The following ANK3 variants were observed in gnomAD, a reference collection of about 807,000 sequenced individuals.
ANK3 encodes the protein ankyrin-3.
In ANK3, 57 loss-of-function variants were observed where a neutral mutation model predicts 370.9. The observed-to-expected ratio is 0.15, with a 90% CI of 0.12 to 0.19. ANK3 has a LOEUF of 0.19. Ranked by LOEUF, ANK3 falls within the 10% of genes least tolerant of loss-of-function variation. The probability of loss-of-function intolerance (pLI) is 1.00; values close to 1 mark genes in which losing one functional copy is unlikely to be tolerated. For missense variants in ANK3, 4,439 were observed against 5,302.1 expected, an observed-to-expected ratio of 0.84 and a Z score of 5.06; for synonymous variants, 1,929 against 1,946.3, an observed-to-expected ratio of 0.99 and a Z score of 0.23.
chr10:60,670,815 A>T (rs2079056162), intron 1 of ANK3, among the ~76,000 whole-genome samples: 1 of 152,150 alleles, frequency 6.6e-6, no homozygotes. Flanking sequence ...AATTGACTCC[A>T]AGTGGGAGTG....
intron 1 of ANK3, among the ~76,000 whole-genome samples, chr10:60,385,476 G>A (rs2062126725): frequency 1.3e-5 from 2 of 151,984 alleles, no homozygotes; most frequent in Non-Finnish European, 2.9e-5. Context: ...TGTTACTGTA[G>A]TGTTGCCACT....
chr10:60,135,158 T>G (rs73261169), intron 24 of ANK3, among the ~76,000 whole-genome samples: 25,983 of 152,150 alleles, frequency 0.17, 2,289 homozygotes, highest in African/African-American at 0.2. Flanking sequence ...TTCTGCCATG[T>G]CACTCTCGTG....
chr10:60,427,676 A>G (rs1408580233), intron 2 of ANK3, among the ~76,000 whole-genome samples: 1 of 152,162 alleles, frequency 6.6e-6, no homozygotes, highest in Non-Finnish European at 1.5e-5. Context: ...TGTGATTTAA[A>G]AAAATTAGAG....
chr10:60,611,254 C>G (rs943320438), intron 2 of ANK3, among the ~76,000 whole-genome samples: 2 of 152,126 alleles, frequency 1.3e-5, no homozygotes, highest in African/African-American at 4.8e-5. Context: ...GTCTTTTCCT[C>G]CTACAGAGCA....
intron 1 of ANK3, among the ~76,000 whole-genome samples, chr10:60,626,391 C>A (rs2078410899): frequency 6.6e-6 from 1 of 151,974 alleles, no homozygotes; most frequent in South Asian, 2.1e-4. Context: ...TAGTAAAGAG[C>A]ATAAATAATA....
chr10:60,167,129 T>C (rs1179827528), intron 21 of ANK3, among the ~76,000 whole-genome samples: 1 of 152,176 alleles, frequency 6.6e-6, no homozygotes. Context: ...GTACCACAGC[T>C]TAAAAGATTT....
At chr10:60,645,423 A>C (rs1254522146) in intron 1 of ANK3, among the ~76,000 whole-genome samples, 1 of 152,138 alleles carries the variant, frequency 6.6e-6, no homozygotes, top group African/African-American at 2.4e-5. Context: ...TGAAAAGCTA[A>C]GCTTTAGAAA....
intron 2 of ANK3, among the ~76,000 whole-genome samples, chr10:60,538,720 T>C (rs2076779483): frequency 1.3e-5 from 2 of 151,878 alleles, no homozygotes; most frequent in Admixed American, 6.6e-5. Flanking sequence ...ATTTAAAACT[T>C]CTAAAGGCAG....
rs566513670 is a variant in ANK3 at position 60,228,130 on chromosome 10, G to A, written c.897+6558C>T. On this transcript the variant is annotated intron_variant, in intron 8 of 43. Transcript: ENST00000280772. ...AGGATATGTGACCTCTGCATATTAC[G>A]CCATCATAGTTTGTATTTCTTTCTA... Among the ~76,000 whole-genome samples the A allele has an allele frequency of 7.2e-5, 11 of 152,004 alleles. 1 individual carries two copies. Among genetic ancestry groups the A allele is most frequent in the East Asian group, 1.9e-4 (1 of 5,190 alleles).
Position 60,279,580 on chromosome 10 carries a change from G to A in ANK3, c.174C>T (p.Leu58=), listed in dbSNP as rs368490315. 5.6e-6 allele frequency: 9 copies of A among 1,613,120 alleles called. No homozygotes were observed. The highest frequency in any genetic ancestry group is 3.3e-5 in the Admixed American group (2 of 59,764). ...TGTCAACTCCATTTTTTATGTAGTC[G>A]AGGGCCTTTTCAAGGTGTCCAGCTC... The part of the protein sequence containing the change: ...AARAGHLEKA[L]DYIKNGVDIN... The change falls in exon 2 of 44, where the codon CTC becomes CTT. Residue 58 remains leucine (L), a synonymous_variant. Transcript: ENST00000280772.
chr10:60,355,443 G>A (rs2057574809), intron 1 of ANK3, among the ~76,000 whole-genome samples: 1 of 152,084 alleles, frequency 6.6e-6, no homozygotes. Flanking sequence ...GGCACCACTA[G>A]TTTTTATTGG....
intron 1 of ANK3, among the ~76,000 whole-genome samples, chr10:60,298,980 T>A (rs1453701780): frequency 1.3e-5 from 2 of 152,170 alleles, no homozygotes; most frequent in Non-Finnish European, 2.9e-5. Flanking sequence ...GTTTGAAAGT[T>A]TTGGATGGGT....
At position 60,075,876 on chromosome 10, in the gene ANK3, G is replaced by A. The variant is rs765482326; in HGVS notation, c.5005C>T (p.Pro1669Ser). 1.4e-5 allele frequency: 22 copies of A among 1,614,152 alleles called. No homozygotes were observed. The South Asian group carries it at 2.3e-4, about 17-fold the overall frequency. ...PFKSIITSAA[P>S]LISSPLKSVV... ...GACTTTAAAGGTGAAGATATTAGCG[G>A]TGCTGCTGATGTAATAATTGACTTA... Residue 1669 changes from proline (P) to serine (S), a missense_variant, in exon 37 of 44, where the codon CCG (proline) becomes TCG (serine). Pro to Ser is a moderately conservative substitution (Grantham distance 74). Transcript: ENST00000280772.
chr10:60,308,749 G>A (rs1296122258), intron 1 of ANK3, among the ~76,000 whole-genome samples: 2 of 152,068 alleles, frequency 1.3e-5, no homozygotes, highest in African/African-American at 2.4e-5. Flanking sequence ...GTCTAGGCAG[G>A]GGCACATGAC....
intron 1 of ANK3, among the ~76,000 whole-genome samples, chr10:60,373,055 T>C (rs886124106): frequency 4.6e-5 from 7 of 152,232 alleles, no homozygotes; most frequent in Non-Finnish European, 8.8e-5. Flanking sequence ...TCATATGAAT[T>C]TGAGTAAAAA....
intron 23 of ANK3, 21 bp from the exon 24 acceptor site, chr10:60,139,108 C>T: frequency 3.7e-6 from 6 of 1,606,442 alleles, no homozygotes; most frequent in Non-Finnish European, 5.1e-6. Context: ...AGAGAGTAAG[C>T]CCACATCAAA....
In ANK3 at chr10:60,229,917, G is replaced by A. The variant is rs149120485; in HGVS notation, c.897+4771C>T. The stretch of plus-strand genomic sequence containing the variant: ...GGTGTAGCTTTGCAAATAATACTGT[G>A]GTAATGGGTTTCTCTGAGGATGCAG... On this transcript the variant is annotated intron_variant, in intron 8 of 43. Coordinates refer to ENST00000280772, the MANE Select transcript of ANK3 (RefSeq NM_020987.5). Among the ~76,000 whole-genome samples, 341 of 152,236 alleles carry A rather than the reference G, an allele frequency of 2.2e-3. 3 individuals are homozygous for A. Among genetic ancestry groups the A allele is most frequent in the African/African-American group, 7.8e-3 (322 of 41,544 alleles).
In ANK3 at chr10:60,128,811, CACCACCATAAGTGTT is replaced by C. The variant is rs2093914460; in HGVS notation, c.2841+5445_2841+5459del. On this transcript the variant is annotated intron_variant, in intron 25 of 43. Transcript: ENST00000280772. Reference sequence around the variant, plus strand: ...GGAGCTCAAAATTAGCTGTTTTCACCACCACCATAAGTGTTACCACCATTATATCTCCTGACACTG... The same window carrying C: ...GGAGCTCAAAATTAGCTGTTTTCACCACCACCATTATATCTCCTGACACTG... Among the ~76,000 whole-genome samples, 13 of 152,258 alleles carry C rather than the reference CACCACCATAAGTGTT, an allele frequency of 8.5e-5. No individual in the cohort carries two copies. In the South Asian group the frequency reaches 2.7e-3, roughly 32 times the overall value.
At chr10:60,044,205 G>T (rs1283054198) in intron 42 of ANK3, 124 of 984,214 alleles carry the variant, frequency 1.3e-4, no homozygotes, top group Non-Finnish European at 1.5e-4. Flanking sequence ...AAAAGTAGCA[G>T]AGTTTTTAAT....
Sources: allele counts gnomAD v4.1 joint callset (sites outside exome capture counted in the v4.1 genomes callset), GRCh38; gene constraint gnomAD v4.1.1; transcripts MANE v1.5; gene names NCBI Gene and HGNC (gene_info 2026-07-23, HGNC 2026-07-21).